PPFIA2: variants seen among roughly 807,000 people sequenced by gnomAD.
The protein encoded by PPFIA2 is PPFI scaffold protein A2, also known as liprin-alpha-2.
PPFIA2 carries 46 observed loss-of-function variants against 175.5 expected under a neutral mutation model. The ratio of observed to expected loss-of-function variants is 0.26; its 90% CI spans 0.21 to 0.34. The LOEUF is 0.34. PPFIA2 is among the 10% of genes least tolerant of loss of function. The pLI, the probability that PPFIA2 is intolerant of heterozygous loss-of-function variation, is 1.00. For missense variants in PPFIA2, 1,179 were observed against 1,506.1 expected (o/e 0.78, Z 3.60); for synonymous variants, 568 against 511.4 (o/e 1.11, Z -1.49).
intron 4 of PPFIA2, among the ~76,000 whole-genome samples, chr12:81,458,113 G>C (rs1406163068): frequency 6.6e-6 from 1 of 152,024 alleles, no homozygotes; most frequent in Non-Finnish European, 1.5e-5. Context: ...AAATATATCA[G>C]ATACATCACA....
chr12:81,405,515 A>G (rs2042775675), intron 8 of PPFIA2, among the ~76,000 whole-genome samples: 1 of 151,812 alleles, frequency 6.6e-6, no homozygotes, highest in Admixed American at 6.6e-5. Flanking sequence ...TCAATTCTAT[A>G]TAATTTAAAT....
In PPFIA2 at chr12:81,267,990, GC is replaced by G. The variant is rs2037827989; in HGVS notation, c.3407del (p.Gly1136AlafsTer4). ...ANNILESGVH[G>X]SLIALDENFD... ...AGTTTTCATCCAGGGCTATAAGTGA[GC>G]CATGCACACCGCTCTCAAGTATATT... On this transcript the variant is annotated frameshift_variant, in exon 29 of 33. Coordinates refer to ENST00000549396, the MANE Select transcript of PPFIA2 (RefSeq NM_003625.5). LOFTEE classifies it high-confidence loss of function. 1 of 1,599,590 alleles carries G rather than the reference GC, an allele frequency of 6.3e-7. No individual in the cohort carries two copies. The highest frequency in any genetic ancestry group is 8.5e-7 in the Non-Finnish European group (1 of 1,172,254).
intron 4 of PPFIA2, among the ~76,000 whole-genome samples, chr12:81,566,530 C>CAAAA (rs3075452): frequency 0.029 from 1,983 of 67,984 alleles, no homozygotes; most frequent in East Asian, 0.035. Flanking sequence ...GACTCCAACT[C>CAAAA]AAAAAAAAAA....
chr12:81,735,278 A>T lies in PPFIA2; in HGVS notation c.249+18695T>A, dbSNP rs984922987. 3.2e-4 allele frequency among the ~76,000 whole-genome samples: 49 copies of T among 151,760 alleles called. 1 individual carries two copies. Among genetic ancestry groups the T allele is most frequent in the Non-Finnish European group, 2.9e-5 (2 of 67,830 alleles). On this transcript the variant is annotated intron_variant, in intron 3 of 32. Transcript: ENST00000549396. ...CACCACAATGTCTCTAATTCTGGGT[A>T]TTATCTTTTGATTATAAAAATTCTA...
chr12:81,598,248 T>C, intron 4 of PPFIA2: 1 of 1,346,008 alleles, frequency 7.4e-7, no homozygotes, highest in Non-Finnish European at 9.5e-7. Context: ...TTTGTGAAGC[T>C]AGTTCTCTAG....
At chr12:81,313,187 T>C (rs1352656657) in intron 22 of PPFIA2, among the ~76,000 whole-genome samples, 2 of 152,128 alleles carry the variant, frequency 1.3e-5, no homozygotes, top group African/African-American at 4.8e-5. Flanking sequence ...CAACAAAAAT[T>C]CATGAGAGTA....
At chr12:81,752,817 AG>A (rs1453939110) in intron 3 of PPFIA2, among the ~76,000 whole-genome samples, 1 of 152,198 alleles carries the variant, frequency 6.6e-6, no homozygotes, top group East Asian at 1.9e-4. Flanking sequence ...CTGTCTTTTA[AG>A]GAGCGGGCCA....
chr12:81,308,996 A>G (rs1337575905), intron 22 of PPFIA2, among the ~76,000 whole-genome samples: 1 of 152,202 alleles, frequency 6.6e-6, no homozygotes, highest in African/African-American at 2.4e-5. Context: ...ATGTGGCTTG[A>G]TAAGAATGAA....
chr12:81,281,563 A>C (rs2042098573), intron 26 of PPFIA2, 113 bp from the exon 27 acceptor site: 7 of 673,812 alleles, frequency 1.0e-5, no homozygotes, highest in Non-Finnish European at 1.6e-5. Context: ...GTGGAAACAA[A>C]GCAAAAATAA....
At chr12:81,278,199 T>C (rs2041060291) in intron 27 of PPFIA2, among the ~76,000 whole-genome samples, 1 of 152,172 alleles carries the variant, frequency 6.6e-6, no homozygotes, top group South Asian at 2.1e-4. Flanking sequence ...ATACATATAA[T>C]TGATACAGAA....
chr12:81,383,235 A>AAAAGATACTTTTAAAAGAT (rs1337514369), intron 9 of PPFIA2, among the ~76,000 whole-genome samples: 1 of 152,200 alleles, frequency 6.6e-6, no homozygotes, highest in East Asian at 1.9e-4. Flanking sequence ...AGTTATATAC[A>AAAAGATACTTTTAAAAGAT]AAAGATACTT....
rs535631271 is a variant in PPFIA2 at position 81,340,098 on chromosome 12, A to G, written c.2394-764T>C. 5.5e-4 allele frequency among the ~76,000 whole-genome samples: 84 copies of G among 152,206 alleles called. 1 individual carries two copies. Among genetic ancestry groups the G allele is most frequent in the African/African-American group, 1.9e-3 (80 of 41,576 alleles). Reference sequence around the variant, plus strand: ...ATAAATTACTTACTTTTACTTACTCATGTGAATTAATTTGAACTCACATTC... The same window carrying G: ...ATAAATTACTTACTTTTACTTACTCGTGTGAATTAATTTGAACTCACATTC... On this transcript the variant is annotated intron_variant, in intron 20 of 32. Transcript: ENST00000549396.
intron 4 of PPFIA2, among the ~76,000 whole-genome samples, chr12:81,470,456 T>C (rs2056524695): frequency 6.6e-6 from 1 of 152,220 alleles, no homozygotes. Context: ...AGGAGCCTCA[T>C]ACACTGCTGG....
chr12:81,439,926 G>A lies in PPFIA2; in HGVS notation c.645+46C>T, dbSNP rs759702456. The A allele has an allele frequency of 2.8e-6, 4 of 1,425,878 alleles. No homozygotes were observed. In the African/African-American group the frequency reaches 5.8e-5, roughly 21 times the overall value. 88.3% of individuals were successfully genotyped at this position (1,425,878 alleles called of 1,614,324 possible). On this transcript the variant is annotated intron_variant, in intron 7 of 32. Coordinates refer to ENST00000549396, the MANE Select transcript of PPFIA2 (RefSeq NM_003625.5). ...TGACGTGAAACACAAGGGATGTAAT[G>A]TCAGCGATATTGCACCTCAAAAGAG...
intron 3 of PPFIA2, among the ~76,000 whole-genome samples, chr12:81,693,012 G>A (rs1246312523): frequency 6.6e-6 from 1 of 151,986 alleles, no homozygotes; most frequent in African/African-American, 2.4e-5. Context: ...TATCATCACA[G>A]TAGATGATTT....
intron 15 of PPFIA2, among the ~76,000 whole-genome samples, chr12:81,358,805 T>C (rs1006864568): frequency 5.9e-5 from 9 of 152,038 alleles, no homozygotes; most frequent in African/African-American, 2.2e-4. Context: ...TAAAAGAAAA[T>C]AGGATATACT....
intron 27 of PPFIA2, among the ~76,000 whole-genome samples, chr12:81,280,691 CAT>C (rs2041890565): frequency 6.6e-6 from 1 of 151,872 alleles, no homozygotes; most frequent in Non-Finnish European, 1.5e-5. Flanking sequence ...GAAAAAAAGA[CAT>C]TGCCTTTTGT....
intron 11 of PPFIA2, among the ~76,000 whole-genome samples, chr12:81,372,605 C>T (rs2141604910): frequency 7.0e-6 from 1 of 143,502 alleles, no homozygotes; most frequent in Middle Eastern, 3.8e-3. Flanking sequence ...AACCACAAAA[C>T]TTGGGAAAAG....
At position 81,622,786 on chromosome 12, in the gene PPFIA2, C is replaced by T. The variant is rs535749403; in HGVS notation, c.303+54005G>A. ...TTTCATTTTTATGTTCCTCCTTCTG[C>T]CCCTACCCCTCAGATTAAATATTGG... On this transcript the variant is annotated intron_variant, in intron 4 of 32. Coordinates refer to ENST00000549396, the MANE Select transcript of PPFIA2 (RefSeq NM_003625.5). Among the ~76,000 whole-genome samples, 4 of 152,216 alleles carry T rather than the reference C, an allele frequency of 2.6e-5. No homozygotes were observed. In the South Asian group the frequency reaches 8.3e-4, roughly 32 times the overall value.
Sources: allele counts gnomAD v4.1 joint callset (sites outside exome capture counted in the v4.1 genomes callset), GRCh38; gene constraint gnomAD v4.1.1; transcripts MANE v1.5; gene names NCBI Gene and HGNC (gene_info 2026-07-23, HGNC 2026-07-21).